Variants in PCDH15 observed in about 807,000 individuals in gnomAD.
The protein encoded by PCDH15 is protocadherin related 15, also known as protocadherin-15.
Under a neutral mutation model 178.5 loss-of-function variants are expected in PCDH15, and 129 were observed. The observed-to-expected ratio is 0.72, with a 90% CI of 0.63 to 0.84. The LOEUF is 0.84. PCDH15 is among the 40% of genes least tolerant of loss of function. PCDH15 has a pLI of 0.00. For missense variants in PCDH15, 2,230 were observed against 2,099.9 expected, an observed-to-expected ratio of 1.06 and a Z score of -1.21; for synonymous variants, 800 against 732.0, an observed-to-expected ratio of 1.09 and a Z score of -1.50.
intron 2 of PCDH15, among the ~76,000 whole-genome samples, chr10:55,412,759 A>G (rs1838371172): frequency 6.6e-6 from 1 of 151,758 alleles, no homozygotes; most frequent in African/African-American, 2.4e-5. Context: ...ATAATACGAG[A>G]TGTTCCTGAA....
intron 1 of PCDH15, among the ~76,000 whole-genome samples, chr10:54,670,652 A>G (rs1399296964): frequency 6.6e-6 from 1 of 152,154 alleles, no homozygotes; most frequent in Non-Finnish European, 1.5e-5. Context: ...TTGGTTTAAT[A>G]AAATATAAAT....
At chr10:54,451,926 A>G (rs2076505960) in intron 3 of PCDH15, among the ~76,000 whole-genome samples, 1 of 152,022 alleles carries the variant, frequency 6.6e-6, no homozygotes, top group Non-Finnish European at 1.5e-5. Flanking sequence ...TATTCCTTTA[A>G]GAATTTTTCT....
At chr10:54,063,070 T>A (rs560569827) in intron 18 of PCDH15, among the ~76,000 whole-genome samples, 143 of 152,338 alleles carry the variant, frequency 9.4e-4, no homozygotes, top group Middle Eastern at 6.8e-3. Context: ...TTACATTAGT[T>A]CAAGCCTCAT....
chr10:53,844,446 A>C lies in PCDH15; in HGVS notation c.3807-3950T>G, dbSNP rs186052015. 3.2e-4 allele frequency among the ~76,000 whole-genome samples: 49 copies of C among 152,188 alleles called. No individual in the cohort carries two copies. In the East Asian group the frequency reaches 8.5e-3, roughly 26 times the overall value. On this transcript the variant is annotated intron_variant, in intron 28 of 37. Coordinates refer to ENST00000644397, the MANE Select transcript of PCDH15 (RefSeq NM_001384140.1). ...TATAAATATCAGAGCAGATATAAGC[A>C]AAACTTTGACCAAAAAGAAAACACA...
chr10:54,615,297 C>T lies in PCDH15; in HGVS notation c.91+48875G>A, dbSNP rs147873626. Among the ~76,000 whole-genome samples, 1,293 of 152,028 alleles carry T rather than the reference C, an allele frequency of 8.5e-3. 16 individuals are homozygous for T. Among genetic ancestry groups the T allele is most frequent in the African/African-American group, 0.03 (1,236 of 41,512 alleles). ...TATGTTGGGCATAATTCTTCTTTAC[C>T]AGATACAATGTTTTGTATAGAAGTA... is the stretch of plus-strand genomic sequence containing the variant. On this transcript the variant is annotated intron_variant, in intron 2 of 37. Transcript: ENST00000644397.
chr10:54,191,124 AGTTT>A (rs2048950203), intron 11 of PCDH15, among the ~76,000 whole-genome samples: 1 of 152,132 alleles, frequency 6.6e-6, no homozygotes, highest in Non-Finnish European at 1.5e-5. Context: ...TGAATTTATG[AGTTT>A]ATTGAAGAGT....
intron 3 of PCDH15, among the ~76,000 whole-genome samples, chr10:54,856,539 T>C (rs1045031051): frequency 6.6e-6 from 1 of 152,266 alleles, no homozygotes; most frequent in African/African-American, 2.4e-5. Flanking sequence ...GTGCCACTTA[T>C]ATAAACATTT....
chr10:54,772,866 A>T (rs1232774358), intron 1 of PCDH15, among the ~76,000 whole-genome samples: 3 of 152,186 alleles, frequency 2.0e-5, no homozygotes, highest in Non-Finnish European at 4.4e-5. Context: ...GAATCAACAT[A>T]AATGACTATC....
At chr10:54,873,773 TTGTG>T (rs1211344174) in intron 3 of PCDH15, among the ~76,000 whole-genome samples, 1 of 145,342 alleles carries the variant, frequency 6.9e-6, no homozygotes, top group Non-Finnish European at 1.5e-5. Context: ...TGTGTGTGTG[TTGTG>T]TGTGTGTGTA....
chr10:54,307,411 G>A (rs2060626770), intron 8 of PCDH15, among the ~76,000 whole-genome samples: 1 of 151,428 alleles, frequency 6.6e-6, no homozygotes, highest in South Asian at 2.1e-4. Context: ...TGTTTACCTA[G>A]AGGGGAAACT....
chr10:53,997,375 G>T (rs2091905850), intron 20 of PCDH15, among the ~76,000 whole-genome samples: 1 of 152,016 alleles, frequency 6.6e-6, no homozygotes, highest in East Asian at 1.9e-4. Context: ...TTCCAAGAGT[G>T]CCAATTAACT....
chr10:55,175,144 C>T (rs1409786740), intron 1 of PCDH15, among the ~76,000 whole-genome samples: 2 of 152,096 alleles, frequency 1.3e-5, no homozygotes, highest in Non-Finnish European at 2.9e-5. Flanking sequence ...AAAGAAGACA[C>T]AGGAGAATGA....
intron 13 of PCDH15, among the ~76,000 whole-genome samples, chr10:54,164,544 T>C (rs1564574363): frequency 6.6e-6 from 1 of 152,086 alleles, no homozygotes; most frequent in African/African-American, 2.4e-5. Flanking sequence ...TAATAGAGGA[T>C]AAGGGGGAAA....
At chr10:55,325,686 G>A (rs1385872442) in intron 2 of PCDH15, among the ~76,000 whole-genome samples, 1 of 152,020 alleles carries the variant, frequency 6.6e-6, no homozygotes, top group Non-Finnish European at 1.5e-5. Context: ...AAAAGCAATT[G>A]CAACAAAAGC....
chr10:54,117,858 A>G (rs955417703), intron 15 of PCDH15, among the ~76,000 whole-genome samples: 1 of 152,058 alleles, frequency 6.6e-6, no homozygotes, highest in African/African-American at 2.4e-5. Context: ...AGTCTGGCTG[A>G]GTCTGGGGGT....
At chr10:53,995,444 G>C in intron 21 of PCDH15, 4 of 827,106 alleles carry the variant, frequency 4.8e-6, no homozygotes, top group Non-Finnish European at 5.5e-6. Context: ...AAAACAAAAA[G>C]CATATTCTTT....
intron 2 of PCDH15, among the ~76,000 whole-genome samples, chr10:55,539,307 A>C (rs114257338): frequency 0.017 from 2,588 of 152,138 alleles, 76 homozygotes; most frequent in African/African-American, 0.058. Context: ...AATGAAAATA[A>C]TTATGGTATT....
At chr10:54,421,910 CACTATAT>C (rs1955529054) in intron 3 of PCDH15, among the ~76,000 whole-genome samples, 1 of 107,440 alleles carries the variant, frequency 9.3e-6, no homozygotes, top group African/African-American at 4.1e-5. Context: ...TATATATATA[CACTATAT>C]ATATATATAC....
At chr10:54,021,258 C>T (rs1257984868) in intron 19 of PCDH15, among the ~76,000 whole-genome samples, 1 of 151,934 alleles carries the variant, frequency 6.6e-6, no homozygotes, top group Non-Finnish European at 1.5e-5. Flanking sequence ...GTACAGAAAA[C>T]CGAATGGAGC....
Sources: allele counts gnomAD v4.1 joint callset (sites outside exome capture counted in the v4.1 genomes callset), GRCh38; gene constraint gnomAD v4.1.1; transcripts MANE v1.5; gene names NCBI Gene and HGNC (gene_info 2026-07-23, HGNC 2026-07-21).